The following MLPH variants were observed in gnomAD, a reference collection of about 807,000 sequenced individuals.
MLPH encodes the protein exophilin-3.
A neutral mutation model predicts 72.1 loss-of-function variants in MLPH; 51 were observed. That is an observed-to-expected ratio of 0.71 (90% CI 0.56 to 0.89). MLPH has a LOEUF of 0.89. Among genes scored for constraint, MLPH ranks in the 40% least tolerant of loss-of-function variants. The pLI is 0.00. For synonymous variants in MLPH, 301 were observed against 310.1 expected, an observed-to-expected ratio of 0.97 and a Z score of 0.31; for missense variants, 743 against 759.9, an observed-to-expected ratio of 0.98 and a Z score of 0.26.
At position 237,516,914 on chromosome 2, in the gene MLPH, A is replaced by AGGATGGATGGAT. The variant is rs1157566183; in HGVS notation, c.446-1608_446-1597dup. Among the ~76,000 whole-genome samples, 606 of 119,314 alleles carry AGGATGGATGGAT rather than the reference A, an allele frequency of 5.1e-3. 5 individuals are homozygous for AGGATGGATGGAT. The highest frequency in any genetic ancestry group is 0.019 in the African/African-American group (483 of 25,790). 78.3% of individuals were successfully genotyped at this position (119,314 alleles called of 152,430 possible). On this transcript the variant is annotated intron_variant, in intron 4 of 15. Coordinates refer to ENST00000264605, the MANE Select transcript of MLPH (RefSeq NM_024101.7). ...ATGGATGGTAGGATGGATGGATGGTAGGATGGATGGATGGATGGATGGATG... is the reference window on the plus strand; with the variant it reads ...ATGGATGGTAGGATGGATGGATGGTAGGATGGATGGATGGATGGATGGATGGATGGATGGATG...
At position 237,523,636 on chromosome 2, in the gene MLPH, A is replaced by G. The variant is rs147688871; in HGVS notation, c.676-1965A>G. Among the ~76,000 whole-genome samples, 549 of 152,312 alleles carry G rather than the reference A, an allele frequency of 3.6e-3. 8 individuals are homozygous for G. The highest frequency in any genetic ancestry group is 0.012 in the African/African-American group (513 of 41,536). ...TAACAGGAAGATGGGCGCAAGATGT[A>G]TAAGTATTAACGTATTTTCTCGTGT... On this transcript the variant is annotated intron_variant, in intron 6 of 15. Coordinates refer to ENST00000264605, the MANE Select transcript of MLPH (RefSeq NM_024101.7).
At chr2:237,550,078 C>T (rs1290868882) in intron 14 of MLPH, among the ~76,000 whole-genome samples, 1 of 152,226 alleles carries the variant, frequency 6.6e-6, no homozygotes, top group African/African-American at 2.4e-5. Context: ...CACTTCCTTC[C>T]CGTGCGTAGG....
At chr2:237,496,798 G>A (rs570595696) in intron 2 of MLPH, among the ~76,000 whole-genome samples, 2 of 152,232 alleles carry the variant, frequency 1.3e-5, no homozygotes, top group African/African-American at 4.8e-5. Flanking sequence ...AAATGTCAGT[G>A]AGCAGAGAGG....
At position 237,554,768 on chromosome 2, in the gene MLPH, T is replaced by TAAG. The variant is rs1310850431; in HGVS notation, c.*1178_*1180dup. The TAAG allele has an allele frequency of 6.6e-6, 1 of 152,136 alleles. No individual in the cohort carries two copies. Among genetic ancestry groups the TAAG allele is most frequent in the Non-Finnish European group, 1.5e-5 (1 of 68,016 alleles). 9.4% of individuals were successfully genotyped at this position (152,136 alleles called of 1,614,324 possible). On this transcript the variant is annotated 3_prime_UTR_variant, in exon 16 of 16. Coordinates refer to ENST00000264605, the MANE Select transcript of MLPH (RefSeq NM_024101.7). The stretch of plus-strand genomic sequence containing the variant: ...TTAAGTGTTTCCTTCCCTCTCTCAA[T>TAAG]AAGACACTTCCAGGAGCTTTCCAAT...
intron 6 of MLPH, among the ~76,000 whole-genome samples, chr2:237,524,920 G>C (rs2080269931): frequency 6.6e-6 from 1 of 152,192 alleles, no homozygotes; most frequent in Non-Finnish European, 1.5e-5. Context: ...GGGGAAGCAG[G>C]GTGGGTCCTG....
intron 2 of MLPH, among the ~76,000 whole-genome samples, chr2:237,504,094 C>T (rs2079711748): frequency 6.6e-6 from 1 of 152,234 alleles, no homozygotes; most frequent in Admixed American, 6.5e-5. Context: ...CCTCTGGGGG[C>T]TCCAGGAGGT....
rs545200962 is a variant in MLPH at position 237,534,639 on chromosome 2, T to C, written c.1096T>C (p.Leu366=). 25 of 1,613,692 alleles carry C rather than the reference T, an allele frequency of 1.5e-5. No homozygotes were observed. In the South Asian group the frequency reaches 2.7e-4, roughly 18 times the overall value. Residue 366 remains leucine (L), a synonymous_variant, in exon 9 of 16, where the codon TTG becomes CTG. Coordinates refer to ENST00000264605, the MANE Select transcript of MLPH (RefSeq NM_024101.7). ...CCTGGAGAACACAGTTGTGCCTCCCTTGGCCAAGGTAACACTGGGGGCTGG... is the reference window on the plus strand; with the variant it reads ...CCTGGAGAACACAGTTGTGCCTCCCCTGGCCAAGGTAACACTGGGGGCTGG... ...TYLENTVVPP[L]AKGLGAGVRT... is the part of the protein sequence containing the mutation.
intron 1 of MLPH, among the ~76,000 whole-genome samples, chr2:237,491,540 G>A (rs1357439090): frequency 6.6e-6 from 1 of 152,216 alleles, no homozygotes; most frequent in Non-Finnish European, 1.5e-5. Context: ...TGCTATTCTT[G>A]TGGAGCTTAA....
At chr2:237,490,462 C>G (rs763963100) in intron 1 of MLPH, among the ~76,000 whole-genome samples, 1 of 152,204 alleles carries the variant, frequency 6.6e-6, no homozygotes, top group Non-Finnish European at 1.5e-5. Context: ...ACTGACTGTG[C>G]TCTAAGAATG....
Position 237,505,389 on chromosome 2 carries a change from C to T in MLPH, c.111-5185C>T, listed in dbSNP as rs554353205. Among the ~76,000 whole-genome samples, 30 of 152,270 alleles carry T rather than the reference C, an allele frequency of 2.0e-4. No homozygotes were observed. The highest frequency in any genetic ancestry group is 6.7e-4 in the African/African-American group (28 of 41,554). On this transcript the variant is annotated intron_variant, in intron 2 of 15. Coordinates refer to ENST00000264605, the MANE Select transcript of MLPH (RefSeq NM_024101.7). The surrounding 1 kb of genome is among the most constrained non-coding windows in gnomAD (Gnocchi z 4.5). ...CTCATCGCATGCAGTCCTGCTGGAG[C>T]ATGGTTTAAGGATCACAGGGATGTG...
chr2:237,534,727 TG>T, intron 9 of MLPH, 80 bp downstream of exon 9: 1 of 1,152,016 alleles, frequency 8.7e-7, no homozygotes, highest in Non-Finnish European at 1.3e-6. Flanking sequence ...CATGGGCTTT[TG>T]GGAGAAGAGT....
intron 5 of MLPH, 62 bp from the exon 6 acceptor site, chr2:237,519,848 A>G: frequency 6.2e-7 from 1 of 1,609,724 alleles, no homozygotes; most frequent in Middle Eastern, 1.7e-4. Context: ...GGTGCAGGGT[A>G]TTTGGTCCTC....
Position 237,495,062 on chromosome 2 carries a change from C to T in MLPH, c.110+1526C>T, listed in dbSNP as rs79023246. ...TAGAGGCTTCCTGGATTCCCTGGCT[C>T]CTGGCCCCTCCTCCACCTCCAAGGC... On this transcript the variant is annotated intron_variant, in intron 2 of 15. Transcript: ENST00000264605. Among the ~76,000 whole-genome samples, 10 of 152,140 alleles carry T rather than the reference C, an allele frequency of 6.6e-5. No individual in the cohort carries two copies. In the East Asian group the frequency reaches 1.9e-3, roughly 29 times the overall value.
At chr2:237,494,806 T>TA (rs1434825049) in intron 2 of MLPH, among the ~76,000 whole-genome samples, 1 of 152,190 alleles carries the variant, frequency 6.6e-6, no homozygotes, top group African/African-American at 2.4e-5. Context: ...GGAGATGCGT[T>TA]ACGAGAGCTT....
chr2:237,525,107 C>T (rs2080274141), intron 6 of MLPH, among the ~76,000 whole-genome samples: 1 of 152,228 alleles, frequency 6.6e-6, no homozygotes, highest in African/African-American at 2.4e-5. Context: ...TGACATAACA[C>T]AGACACCCCT....
intron 2 of MLPH, among the ~76,000 whole-genome samples, chr2:237,507,073 T>C (rs1443249618): frequency 3.5e-5 from 5 of 144,578 alleles, no homozygotes; most frequent in African/African-American, 5.2e-5. Flanking sequence ...TTTTTTTTTT[T>C]TTTTTTTTTT....
At chr2:237,511,335 C>T in intron 4 of MLPH, 2 of 454,912 alleles carry the variant, frequency 4.4e-6, no homozygotes, top group East Asian at 4.3e-5. Flanking sequence ...TGGCCTCGAA[C>T]TCCTGGGCTC....
chr2:237,516,423 C>T (rs1189425907), intron 4 of MLPH, among the ~76,000 whole-genome samples: 2 of 152,190 alleles, frequency 1.3e-5, no homozygotes, highest in African/African-American at 2.4e-5. Context: ...GGCTGGGCCT[C>T]ACCTCCCTTC....
rs116429218 is a variant in MLPH at position 237,549,999 on chromosome 2, C to A, written c.1675+721C>A. On this transcript the variant is annotated intron_variant, in intron 14 of 15. Transcript: ENST00000264605. The stretch of plus-strand genomic sequence containing the variant: ...AATGAAGTGGGATTTCTTAGCATAG[C>A]CCTGCAGACTTTGGCCATTTGTCAC... Among the ~76,000 whole-genome samples the A allele has an allele frequency of 1.2e-3, 187 of 152,346 alleles. 1 individual carries two copies. Among genetic ancestry groups the A allele is most frequent in the African/African-American group, 4.3e-3 (180 of 41,570 alleles).
Sources: gnomAD v4.1 joint callset for allele counts (sites outside exome capture counted in the v4.1 genomes callset) on GRCh38, gnomAD v4.1.1 for gene constraint, Gnocchi (gnomAD v3.1) non-coding constraint, MANE v1.5 for transcripts, NCBI Gene and HGNC (gene_info 2026-07-23, HGNC 2026-07-21) for gene names.